BCAS3: variants seen among roughly 807,000 people sequenced by gnomAD.
The protein encoded by BCAS3 is BCAS3 microtubule associated cell migration factor.
In BCAS3, 53 loss-of-function variants were observed where a neutral mutation model predicts 116.1. The observed-to-expected ratio is 0.46, with a 90% CI of 0.37 to 0.57. The LOEUF is 0.57. Among genes scored for constraint, BCAS3 ranks in the 20% least tolerant of loss-of-function variants. The probability of loss-of-function intolerance (pLI) is 0.00; values close to 1 mark genes in which losing one functional copy is unlikely to be tolerated. For missense variants in BCAS3, 917 were observed against 1,165.4 expected, an observed-to-expected ratio of 0.79 and a Z score of 3.10; for synonymous variants, 391 against 408.2, an observed-to-expected ratio of 0.96 and a Z score of 0.51.
intron 7 of BCAS3, among the ~76,000 whole-genome samples, chr17:60,848,986 C>T (rs557475386): frequency 4.6e-5 from 7 of 152,292 alleles, no homozygotes; most frequent in Admixed American, 2.0e-4. Flanking sequence ...AGATGCAAAA[C>T]GAGAGTCCTT....
rs1405500999 is a variant in BCAS3 at position 61,189,456 on chromosome 17, G to A, written c.2425+104892G>A. Among the ~76,000 whole-genome samples, 1 of 152,148 alleles carries A rather than the reference G, an allele frequency of 6.6e-6. No homozygotes were observed. The highest frequency in any genetic ancestry group is 1.5e-5 in the Non-Finnish European group (1 of 68,028). ...CTTATATCCTATAAGGATGGAGAAG[G>A]GTCTTAGGCAGAAGAGGAGTGACAG... On this transcript the variant is annotated intron_variant, in intron 22 of 23. Transcript: ENST00000407086. This position sits in a 1 kb window ranked among gnomAD's most constrained non-coding sequence, Gnocchi z 4.5.
intron 22 of BCAS3, among the ~76,000 whole-genome samples, chr17:61,154,574 C>G (rs1243878952): frequency 6.6e-6 from 1 of 151,882 alleles, no homozygotes; most frequent in African/African-American, 2.4e-5. Flanking sequence ...TGGCTGGGAC[C>G]ACAGTGTGCA....
intron 19 of BCAS3, among the ~76,000 whole-genome samples, chr17:61,054,498 C>T (rs2069179065): frequency 6.6e-6 from 1 of 152,186 alleles, no homozygotes; most frequent in East Asian, 1.9e-4. Context: ...TCCTAAGTAG[C>T]TGGGACTACA....
rs1400501624 is a variant in BCAS3 at position 61,012,006 on chromosome 17, A to T, written c.1487-3745A>T. Among the ~76,000 whole-genome samples the T allele has an allele frequency of 1.3e-5, 2 of 152,044 alleles. No homozygotes were observed. Among genetic ancestry groups the T allele is most frequent in the African/African-American group, 4.8e-5 (2 of 41,422 alleles). On this transcript the variant is annotated intron_variant, in intron 15 of 23. Transcript: ENST00000407086. The surrounding 1 kb of genome is among the most constrained non-coding windows in gnomAD (Gnocchi z 4.5). ...TCTACTAGAAAAGCAAAATAAAAAG[A>T]TAGAGATTCCTTCCTTTATGCTCAA...
intron 22 of BCAS3, among the ~76,000 whole-genome samples, chr17:61,310,415 G>A (rs1445449529): frequency 1.3e-5 from 2 of 152,104 alleles, no homozygotes. Context: ...TTAGCCAGGT[G>A]TGGTAGTGCA....
chr17:60,889,089 G>A (rs573630199), intron 9 of BCAS3, among the ~76,000 whole-genome samples: 157 of 152,302 alleles, frequency 1.0e-3, no homozygotes, highest in Non-Finnish European at 2.0e-3. Flanking sequence ...ATATGTCATA[G>A]AACAATTAAC....
At position 60,904,264 on chromosome 17, in the gene BCAS3, C is replaced by T. The variant is rs562975893; in HGVS notation, c.822+1561C>T. On this transcript the variant is annotated intron_variant, in intron 11 of 23. Transcript: ENST00000407086. ...ACTAAAAATACAAATATTAGCTGGG[C>T]ATGGTGGCGGGTGCCTGTAGTCCCA... Among the ~76,000 whole-genome samples the T allele has an allele frequency of 3.9e-5, 6 of 152,148 alleles. No homozygotes were observed. The South Asian group carries it at 1.2e-3, about 32-fold the overall frequency.
chr17:60,965,433 G>A (rs747192354), intron 14 of BCAS3, among the ~76,000 whole-genome samples: 2 of 151,954 alleles, frequency 1.3e-5, no homozygotes, highest in Non-Finnish European at 2.9e-5. Flanking sequence ...TGTTGGCCAG[G>A]CTGGTCTTGA....
chr17:60,846,273 A>G (rs946524271), intron 7 of BCAS3, among the ~76,000 whole-genome samples: 1 of 152,140 alleles, frequency 6.6e-6, no homozygotes, highest in African/African-American at 2.4e-5. Context: ...GATCAGGTAT[A>G]TTACTTATGT....
intron 22 of BCAS3, among the ~76,000 whole-genome samples, chr17:61,127,504 T>A (rs1482687058): frequency 2.0e-5 from 3 of 152,010 alleles, no homozygotes; most frequent in Non-Finnish European, 2.9e-5. Flanking sequence ...TGTATTTTTT[T>A]AAATTTAGAT....
chr17:61,280,367 A>G (rs2051135832), intron 22 of BCAS3, among the ~76,000 whole-genome samples: 1 of 152,204 alleles, frequency 6.6e-6, no homozygotes, highest in South Asian at 2.1e-4. Context: ...AAAGACAGTT[A>G]TTGTTTCTTA....
chr17:60,880,834 T>A (rs1019665305), intron 9 of BCAS3, among the ~76,000 whole-genome samples: 7 of 152,214 alleles, frequency 4.6e-5, no homozygotes, highest in South Asian at 2.1e-4. Flanking sequence ...CATTTTTAAA[T>A]TATTTGTCTT....
intron 22 of BCAS3, among the ~76,000 whole-genome samples, chr17:61,336,190 A>G (rs753753288): frequency 6.6e-6 from 1 of 152,252 alleles, no homozygotes; most frequent in Non-Finnish European, 1.5e-5. Context: ...GACCGGATTG[A>G]TGATCTGTAA....
chr17:61,225,249 G>GGACACA (rs2082312765), intron 22 of BCAS3, among the ~76,000 whole-genome samples: 1 of 150,832 alleles, frequency 6.6e-6, no homozygotes, highest in Non-Finnish European at 1.5e-5. Flanking sequence ...AGCCTTGAAA[G>GGACACA]GACACAGATT....
intron 6 of BCAS3, among the ~76,000 whole-genome samples, chr17:60,747,950 C>A (rs2144264519): frequency 6.6e-6 from 1 of 151,264 alleles, no homozygotes; most frequent in Middle Eastern, 3.4e-3. Flanking sequence ...TAACGCCTGA[C>A]TCCTTAATAC....
intron 22 of BCAS3, among the ~76,000 whole-genome samples, chr17:61,101,768 C>G (rs1244833244): frequency 6.6e-6 from 1 of 152,044 alleles, no homozygotes; most frequent in African/African-American, 2.4e-5. Context: ...TCAGAATTAC[C>G]TCCCTACCTT....
chr17:60,726,613 C>T (rs2039893215), intron 5 of BCAS3, among the ~76,000 whole-genome samples: 2 of 149,434 alleles, frequency 1.3e-5, no homozygotes, highest in South Asian at 4.3e-4. Flanking sequence ...AGGTTCACGC[C>T]ATTCTCCTGC....
At chr17:60,810,307 G>A (rs998596235) in intron 7 of BCAS3, 4 of 449,212 alleles carry the variant, frequency 8.9e-6, no homozygotes, top group Admixed American at 8.0e-5. Flanking sequence ...CCGGATCTCC[G>A]TGTCCCACTC....
intron 7 of BCAS3, among the ~76,000 whole-genome samples, chr17:60,831,471 C>T (rs1317564101): frequency 5.9e-5 from 9 of 152,328 alleles, no homozygotes; most frequent in African/African-American, 2.2e-4. Context: ...GCCACTGCAC[C>T]GACCTATGTT....
Sources: allele counts gnomAD v4.1 joint callset (sites outside exome capture counted in the v4.1 genomes callset), GRCh38; gene constraint gnomAD v4.1.1; non-coding constraint Gnocchi (gnomAD v3.1); transcripts MANE v1.5; gene names NCBI Gene and HGNC (gene_info 2026-07-23, HGNC 2026-07-21).